Variants in TSHZ2 observed in about 807,000 individuals in gnomAD.
The protein encoded by TSHZ2 is teashirt zinc finger homeobox 2, also known as teashirt homolog 2.
A neutral mutation model predicts 74.4 loss-of-function variants in TSHZ2; 21 were observed. The ratio of observed to expected loss-of-function variants is 0.28; its 90% confidence interval spans 0.20 to 0.41. TSHZ2 has a LOEUF of 0.41. Ranked by LOEUF, TSHZ2 falls within the 10% of genes least tolerant of loss-of-function variation. TSHZ2 has a pLI of 1.00. For synonymous variants in TSHZ2, 540 were observed against 515.3 expected (o/e 1.05, Z -0.65); for missense variants, 1,244 against 1,293.5 (o/e 0.96, Z 0.59).
intron 2 of TSHZ2, among the ~76,000 whole-genome samples, chr20:53,331,179 G>A (rs1007943949): frequency 6.6e-6 from 1 of 152,216 alleles, no homozygotes; most frequent in Non-Finnish European, 1.5e-5. Context: ...ACAGTTGGTA[G>A]GGCATAGTGA....
At chr20:53,236,584 T>A (rs931742101) in intron 1 of TSHZ2, among the ~76,000 whole-genome samples, 1 of 152,134 alleles carries the variant, frequency 6.6e-6, no homozygotes, top group Admixed American at 6.5e-5. Context: ...GGGTCTGGGG[T>A]CTAATGAACT....
intron 1 of TSHZ2, among the ~76,000 whole-genome samples, chr20:53,110,585 C>T (rs192130375): frequency 1.1e-4 from 16 of 151,956 alleles, no homozygotes; most frequent in East Asian, 1.9e-4. Flanking sequence ...TAAGAAGATA[C>T]GTGATCAACA....
At chr20:53,393,505 C>T (rs201287761) in intron 2 of TSHZ2, among the ~76,000 whole-genome samples, 1 of 152,156 alleles carries the variant, frequency 6.6e-6, no homozygotes, top group African/African-American at 2.4e-5. Flanking sequence ...AAGTAATGCA[C>T]ATAAAACAGC....
intron 1 of TSHZ2, among the ~76,000 whole-genome samples, chr20:53,214,100 G>A (rs941121251): frequency 6.6e-6 from 1 of 152,130 alleles, no homozygotes; most frequent in Admixed American, 6.5e-5. Context: ...GTGACATATG[G>A]TAAGTAGCCC....
At chr20:53,183,152 A>G (rs548418435) in intron 1 of TSHZ2, among the ~76,000 whole-genome samples, 9 of 152,186 alleles carry the variant, frequency 5.9e-5, no homozygotes, top group Non-Finnish European at 1.3e-4. Context: ...ACTTCAATGA[A>G]ATTAGGGCAT....
chr20:53,121,594 T>TC (rs1391081277), intron 1 of TSHZ2, among the ~76,000 whole-genome samples: 7 of 152,122 alleles, frequency 4.6e-5, no homozygotes, highest in African/African-American at 1.7e-4. Context: ...GATGCTACAT[T>TC]CCCCCCTTTA....
chr20:53,174,164 T>C (rs778599090), intron 1 of TSHZ2, among the ~76,000 whole-genome samples: 1 of 152,162 alleles, frequency 6.6e-6, no homozygotes, highest in Non-Finnish European at 1.5e-5. Flanking sequence ...AGATGTCAAA[T>C]GGGCTAGAGT....
At chr20:53,372,961 T>C (rs1400382726) in intron 2 of TSHZ2, among the ~76,000 whole-genome samples, 4 of 151,874 alleles carry the variant, frequency 2.6e-5, no homozygotes, top group Non-Finnish European at 5.9e-5. Context: ...CCCTTACCTT[T>C]CCAGCCACAT....
intron 2 of TSHZ2, among the ~76,000 whole-genome samples, chr20:53,394,767 A>G (rs1982382921): frequency 6.6e-6 from 1 of 150,418 alleles, no homozygotes; most frequent in Non-Finnish European, 1.5e-5. Context: ...GTCTCAAAAA[A>G]AAAAAAAAAA....
At position 53,213,410 on chromosome 20, in the gene TSHZ2, G is replaced by C. The variant is rs564154938; in HGVS notation, c.41-40089G>C. 1.8e-4 allele frequency among the ~76,000 whole-genome samples: 28 copies of C among 152,294 alleles called. No individual in the cohort carries two copies. The East Asian group carries it at 5.2e-3, about 28-fold the overall frequency. On this transcript the variant is annotated intron_variant, in intron 1 of 2. Coordinates refer to ENST00000371497, the MANE Select transcript of TSHZ2 (RefSeq NM_173485.6). ...ACCTGGATGCTTCGTTACAACTAGA[G>C]CTAATAGGAACCACCCAGCACTCGT...
chr20:53,427,088 G>T (rs773675518), intron 2 of TSHZ2, among the ~76,000 whole-genome samples: 40 of 152,264 alleles, frequency 2.6e-4, no homozygotes, highest in Non-Finnish European at 5.4e-4. Flanking sequence ...CGTGAAGCTC[G>T]CCTGCCTTGT....
intron 1 of TSHZ2, among the ~76,000 whole-genome samples, chr20:52,974,520 C>T (rs925604303): frequency 2.6e-5 from 4 of 152,108 alleles, no homozygotes; most frequent in Admixed American, 6.5e-5. Context: ...TTTTTCCTCT[C>T]TCTCTGTCTT....
At chr20:53,106,863 A>G (rs1390790756) in intron 1 of TSHZ2, among the ~76,000 whole-genome samples, 1 of 151,556 alleles carries the variant, frequency 6.6e-6, no homozygotes, top group East Asian at 1.9e-4. Flanking sequence ...ACGCCCAGCT[A>G]ATTTTTGTAT....
intron 1 of TSHZ2, among the ~76,000 whole-genome samples, chr20:53,238,427 C>G (rs1989987714): frequency 1.3e-5 from 2 of 152,038 alleles, no homozygotes. Context: ...TGGACCTACT[C>G]CAGCCCATTT....
chr20:53,485,656 C>A (rs995450201), intron 2 of TSHZ2, among the ~76,000 whole-genome samples: 5 of 151,940 alleles, frequency 3.3e-5, no homozygotes, highest in African/African-American at 1.2e-4. Context: ...TTGTAATGAA[C>A]CCACATCGTG....
chr20:53,410,191 T>A (rs1368483117), intron 2 of TSHZ2, among the ~76,000 whole-genome samples: 3 of 152,096 alleles, frequency 2.0e-5, no homozygotes, highest in African/African-American at 7.2e-5. Context: ...AGAGGGCGCA[T>A]CCCAGGATGA....
At chr20:53,189,666 TC>T (rs1301749263) in intron 1 of TSHZ2, among the ~76,000 whole-genome samples, 1 of 152,138 alleles carries the variant, frequency 6.6e-6, no homozygotes, top group Non-Finnish European at 1.5e-5. Context: ...AGATGCTGTC[TC>T]TCTTCTTCAG....
At position 53,426,102 on chromosome 20, in the gene TSHZ2, C is replaced by T. The variant is rs1983645493; in HGVS notation, c.*9-61042C>T. ...CAGGATAAACAGGGGAGGACAAACT[C>T]CGAGTAACTGAGTGCTGGCTTTTTT... On this transcript the variant is annotated intron_variant, in intron 2 of 2. Transcript: ENST00000371497. Among the ~76,000 whole-genome samples the T allele has an allele frequency of 2.6e-5, 4 of 152,284 alleles. No individual in the cohort carries two copies. The South Asian group carries it at 8.3e-4, about 32-fold the overall frequency.
intron 2 of TSHZ2, among the ~76,000 whole-genome samples, chr20:53,299,427 T>A (rs1600797679): frequency 6.6e-6 from 1 of 152,352 alleles, no homozygotes; most frequent in South Asian, 2.1e-4. Context: ...GGGTAAAGAC[T>A]TTTTCCCTTG....
Sources: allele counts gnomAD v4.1 joint callset (sites outside exome capture counted in the v4.1 genomes callset), GRCh38; gene constraint gnomAD v4.1.1; transcripts MANE v1.5; gene names NCBI Gene and HGNC (gene_info 2026-07-23, HGNC 2026-07-21).